YBX1: variants seen among roughly 807,000 people sequenced by gnomAD.
YBX1 encodes Y-box-binding protein 1.
A neutral mutation model predicts 41.4 loss-of-function variants in YBX1; 3 were observed. The ratio of observed to expected loss-of-function variants is 0.07; its 90% CI spans 0.03 to 0.19. The LOEUF is 0.19. Among genes scored for constraint, YBX1 ranks in the 10% least tolerant of loss-of-function variants. The pLI, the probability that YBX1 is intolerant of heterozygous loss-of-function variation, is 1.00. For missense variants in YBX1, 274 were observed against 462.8 expected (o/e 0.59, Z 3.74); for synonymous variants, 133 against 165.8 (o/e 0.80, Z 1.52).
At chr1:42,698,358 T>C (rs757407467) in intron 6 of YBX1, among the ~76,000 whole-genome samples, 2 of 152,240 alleles carry the variant, frequency 1.3e-5, no homozygotes, top group African/African-American at 2.4e-5. Context: ...AGGTCCTAAC[T>C]GATCACTACC....
chr1:42,703,727 C>A lies in YBX1; in HGVS notation c.*1778C>A, dbSNP rs374588927. Among the ~76,000 whole-genome samples, 6 of 152,234 alleles carry A rather than the reference C, an allele frequency of 3.9e-5. No homozygotes were observed. The highest frequency in any genetic ancestry group is 1.4e-4 in the African/African-American group (6 of 41,552). The stretch of plus-strand genomic sequence containing the variant: ...TGAATCAACATTGTTTTCATGGCAT[C>A]ACAGAGTTGAAAAATCATAAATGAA... On this transcript the variant is annotated 3_prime_UTR_variant, in exon 8 of 8. Transcript: ENST00000321358.
In YBX1 at chr1:42,682,751, G is replaced by A. The variant is rs1650068716; in HGVS notation, c.166+20G>A. On this transcript the variant is annotated intron_variant, in intron 1 of 7. Coordinates refer to ENST00000321358, the MANE Select transcript of YBX1 (RefSeq NM_004559.5). ...TCATCGGTGAGGACCGGACAGGGAC[G>A]GGGGTGGGGCCCTCGGGCAGCCCAG... The A allele has an allele frequency of 5.0e-6, 6 of 1,205,710 alleles. No individual in the cohort carries two copies. The Admixed American group carries it at 1.3e-4, about 27-fold the overall frequency. The allele number at this position is 1,205,710 out of a possible 1,614,324, so 74.7% of individuals were successfully genotyped here.
In YBX1 at chr1:42,701,040, C is replaced by T. The variant is rs750808970; in HGVS notation, c.*25C>T. 2 of 1,611,484 alleles carry T rather than the reference C, an allele frequency of 1.2e-6. No homozygotes were observed. Among genetic ancestry groups the T allele is most frequent in the Admixed American group, 3.3e-5 (2 of 59,944 alleles). On this transcript the variant is annotated 3_prime_UTR_variant, in exon 7 of 8. Coordinates refer to ENST00000321358, the MANE Select transcript of YBX1 (RefSeq NM_004559.5). ...AATGCCGGCTTACCATCTCTACCAT[C>T]ATCCGGGTAAGCAAGCTTGGATGGC...
chr1:42,698,857 T>A (rs1444764134), intron 6 of YBX1, among the ~76,000 whole-genome samples: 1 of 152,218 alleles, frequency 6.6e-6, no homozygotes, highest in Non-Finnish European at 1.5e-5. Context: ...AATGCTAGAC[T>A]TTCCAAACTG....
intron 2 of YBX1, among the ~76,000 whole-genome samples, chr1:42,686,983 A>C (rs1650211871): frequency 6.6e-6 from 1 of 152,168 alleles, no homozygotes; most frequent in Non-Finnish European, 1.5e-5. Context: ...ATAATTTCTT[A>C]GGGTGATTAT....
intron 6 of YBX1, among the ~76,000 whole-genome samples, chr1:42,699,308 A>C (rs1570424724): frequency 6.6e-6 from 1 of 152,234 alleles, no homozygotes; most frequent in African/African-American, 2.4e-5. Context: ...GTAAAGAGGA[A>C]GTTTGAAAAG....
chr1:42,682,882 C>T (rs1650074522), intron 1 of YBX1, 151 bp downstream of exon 1: 3 of 321,532 alleles, frequency 9.3e-6, no homozygotes, highest in African/African-American at 4.5e-5. Context: ...CCCTCACTCC[C>T]TCTCGCGGGG....
Position 42,682,500 on chromosome 1 carries a change from G to A in YBX1, c.-66G>A. 3.6e-6 allele frequency: 5 copies of A among 1,374,678 alleles called. No homozygotes were observed. The South Asian group carries it at 7.9e-5, about 22-fold the overall frequency. 85.2% of individuals were successfully genotyped at this position (1,374,678 alleles called of 1,614,324 possible). A position where few individuals can be genotyped will look rare whatever the true frequency, so the allele number is the denominator to read the frequency against. On this transcript the variant is annotated 5_prime_UTR_variant, in exon 1 of 8. Transcript: ENST00000321358. The stretch of plus-strand genomic sequence containing the variant: ...CAGCCCCACCGCCGCCGCCGGCCTA[G>A]TTACCATCACACCCCGGGAGGAGCC...
chr1:42,683,902 T>C, intron 2 of YBX1, among the ~76,000 whole-genome samples: 1 of 152,340 alleles, frequency 6.6e-6, no homozygotes, highest in East Asian at 1.9e-4. Context: ...GATTTGACTA[T>C]ATGAGGTTTT....
At chr1:42,687,010 A>C (rs945157604) in intron 2 of YBX1, among the ~76,000 whole-genome samples, 1 of 151,952 alleles carries the variant, frequency 6.6e-6, no homozygotes, top group African/African-American at 2.4e-5. Context: ...CCGTTGAAAG[A>C]CTCTTAAATG....
At chr1:42,691,411 A>G (rs1408645970) in intron 2 of YBX1, among the ~76,000 whole-genome samples, 2 of 152,206 alleles carry the variant, frequency 1.3e-5, no homozygotes, top group Non-Finnish European at 2.9e-5. Context: ...GATGGAGTAC[A>G]GTGGCATGAT....
At chr1:42,701,152 G>A in intron 7 of YBX1, 106 bp downstream of exon 7, 3 of 776,978 alleles carry the variant, frequency 3.9e-6, no homozygotes, top group Non-Finnish European at 6.2e-6. Flanking sequence ...GATAATGAAA[G>A]CCATGTTATT....
chr1:42,700,629 AAAAC>A (rs1038320817), intron 6 of YBX1, 148 bp from the exon 7 acceptor site: 2 of 240,958 alleles, frequency 8.3e-6, no homozygotes, highest in Non-Finnish European at 1.6e-5. Context: ...CCCAAAAAAA[AAAAC>A]CCATCTCTTT....
At chr1:42,694,068 G>A (rs1056640878) in intron 3 of YBX1, among the ~76,000 whole-genome samples, 17 of 151,568 alleles carry the variant, frequency 1.1e-4, no homozygotes, top group African/African-American at 3.9e-4. Flanking sequence ...AGTTTTGGCT[G>A]GCTTGGAAAA....
Position 42,703,626 on chromosome 1 carries a change from C to A in YBX1, c.*1677C>A, listed in dbSNP as rs556536049. Reference sequence around the variant, plus strand: ...TTGGTAGCATCTAAACTGTTACTTACAACTGCAGACGCACACAGTCCCTGA... The same window carrying A: ...TTGGTAGCATCTAAACTGTTACTTAAAACTGCAGACGCACACAGTCCCTGA... On this transcript the variant is annotated 3_prime_UTR_variant, in exon 8 of 8. Transcript: ENST00000321358. Among the ~76,000 whole-genome samples, 20 of 152,262 alleles carry A rather than the reference C, an allele frequency of 1.3e-4. No individual in the cohort carries two copies. Among genetic ancestry groups the A allele is most frequent in the Middle Eastern group, 6.8e-3 (2 of 294 alleles).
rs1042654181 is a variant in YBX1 at position 42,693,664 on chromosome 1, C to T, written c.264+141C>T. ...TACTTACGACAGGAGTAGTAGCATGCTTAAAAATGTATACGTGGAAATGTG... is the reference window on the plus strand; with the variant it reads ...TACTTACGACAGGAGTAGTAGCATGTTTAAAAATGTATACGTGGAAATGTG... On this transcript the variant is annotated intron_variant, in intron 3 of 7. Transcript: ENST00000321358. 1.1e-5 allele frequency: 8 copies of T among 756,786 alleles called. No individual in the cohort carries two copies. In the African/African-American group the frequency reaches 1.4e-4, roughly 14 times the overall value. The allele number at this position is 756,786 out of a possible 1,614,324, so 46.9% of individuals were successfully genotyped here.
chr1:42,691,868 T>A lies in YBX1; in HGVS notation c.231-1622T>A, dbSNP rs571634996. Among the ~76,000 whole-genome samples the A allele has an allele frequency of 1.2e-3, 184 of 149,928 alleles. 4 individuals carry two copies. In the South Asian group the frequency reaches 0.038, roughly 31 times the overall value. On this transcript the variant is annotated intron_variant, in intron 2 of 7. Transcript: ENST00000321358. ...TATCTTTGGAAAAAAATTTTATTTTTTTATTTTTTTTGAGATGGAATCTCA... is the reference window on the plus strand; with the variant it reads ...TATCTTTGGAAAAAAATTTTATTTTATTATTTTTTTTGAGATGGAATCTCA...
Position 42,696,359 on chromosome 1 carries a change from G to A in YBX1, c.354+71G>A, listed in dbSNP as rs1459992897. Reference sequence around the variant, plus strand: ...TTTTGGAGGTCTCATCCATTAGGATGGTGGCTCTAATGTGGATGGATGTGT... The same window carrying A: ...TTTTGGAGGTCTCATCCATTAGGATAGTGGCTCTAATGTGGATGGATGTGT... On this transcript the variant is annotated intron_variant, in intron 4 of 7. Transcript: ENST00000321358. This position sits in a 1 kb window ranked among gnomAD's most constrained non-coding sequence, Gnocchi z 5.7. The A allele has an allele frequency of 6.7e-7, 1 of 1,501,840 alleles. No individual in the cohort carries two copies. Among genetic ancestry groups the A allele is most frequent in the African/African-American group, 1.4e-5 (1 of 72,350 alleles). The allele number at this position is 1,501,840 out of a possible 1,614,324, so 93.0% of individuals were successfully genotyped here. A position where few individuals can be genotyped will look rare whatever the true frequency, so the allele number is the denominator to read the frequency against.
intron 6 of YBX1, 75 bp from the exon 7 acceptor site, chr1:42,700,706 C>A: frequency 2.2e-6 from 3 of 1,358,936 alleles, no homozygotes; most frequent in Non-Finnish European, 3.0e-6. Context: ...TAGTTGTGAA[C>A]CAACTGGTTA....
Sources: allele counts gnomAD v4.1 joint callset (sites outside exome capture counted in the v4.1 genomes callset), GRCh38; gene constraint gnomAD v4.1.1; non-coding constraint Gnocchi (gnomAD v3.1); transcripts MANE v1.5; gene names NCBI Gene and HGNC (gene_info 2026-07-23, HGNC 2026-07-21).